The following DIP2C variants were observed in gnomAD, a reference collection of about 807,000 sequenced individuals.
DIP2C encodes disco-interacting protein 2 homolog C.
Under a neutral mutation model 192.4 loss-of-function variants are expected in DIP2C, and 33 were observed. That is an observed-to-expected ratio of 0.17 (90% CI 0.13 to 0.23). The LOEUF is 0.23. Ranked by LOEUF, DIP2C falls within the 10% of genes least tolerant of loss-of-function variation. DIP2C has a pLI of 1.00. For missense variants in DIP2C, 1,537 were observed against 2,110.1 expected (o/e 0.73, Z 5.32); for synonymous variants, 979 against 864.1 (o/e 1.13, Z -2.33).
intron 2 of DIP2C, among the ~76,000 whole-genome samples, chr10:474,444 G>A (rs529058041): frequency 3.3e-5 from 5 of 152,220 alleles, no homozygotes; most frequent in Admixed American, 2.0e-4. Context: ...TCCTGCCCAC[G>A]ATCAAACACT....
chr10:277,848 A>G (rs1954595827), intron 36 of DIP2C, among the ~76,000 whole-genome samples: 1 of 151,976 alleles, frequency 6.6e-6, no homozygotes, highest in East Asian at 2.0e-4. Flanking sequence ...TTTCTAGCAC[A>G]GCATCACTCC....
At chr10:490,872 T>G (rs1244042086) in intron 1 of DIP2C, among the ~76,000 whole-genome samples, 1 of 152,170 alleles carries the variant, frequency 6.6e-6, no homozygotes, top group Non-Finnish European at 1.5e-5. Flanking sequence ...ACTTTGGAAG[T>G]GAAAACCCCA....
intron 1 of DIP2C, among the ~76,000 whole-genome samples, chr10:486,791 A>G (rs1429146797): frequency 6.6e-6 from 1 of 152,216 alleles, no homozygotes; most frequent in Non-Finnish European, 1.5e-5. Context: ...GATGGGGTCC[A>G]GGGTTAGACC....
chr10:442,261 C>T lies in DIP2C; in HGVS notation c.269-1265G>A, dbSNP rs1279403664. Among the ~76,000 whole-genome samples the T allele has an allele frequency of 2.0e-5, 3 of 152,126 alleles. No homozygotes were observed. In the East Asian group the frequency reaches 5.8e-4, roughly 29 times the overall value. ...CAGACATGTCTTTCCTGCTTAAACC[C>T]CGCGAGCTGCCACCTGAGACAGGAC... On this transcript the variant is annotated intron_variant, in intron 3 of 36. Transcript: ENST00000280886.
At chr10:461,332 C>T (rs1029427602) in intron 3 of DIP2C, among the ~76,000 whole-genome samples, 2 of 151,972 alleles carry the variant, frequency 1.3e-5, no homozygotes, top group Non-Finnish European at 2.9e-5. Flanking sequence ...CACATAGGCT[C>T]AAAATAAAGG....
At chr10:593,284 C>G (rs541250271) in intron 1 of DIP2C, among the ~76,000 whole-genome samples, 63 of 152,252 alleles carry the variant, frequency 4.1e-4, no homozygotes, top group East Asian at 1.4e-3. Flanking sequence ...AATCTGACTT[C>G]AGAGCCTGCA....
chr10:447,610 C>G (rs1375624959), intron 3 of DIP2C, among the ~76,000 whole-genome samples: 2 of 146,292 alleles, frequency 1.4e-5, no homozygotes, highest in African/African-American at 5.4e-5. Context: ...CAGCAGGACC[C>G]ACTCATCCCT....
chr10:659,229 G>A (rs977756764), intron 1 of DIP2C, among the ~76,000 whole-genome samples: 7 of 151,954 alleles, frequency 4.6e-5, no homozygotes, highest in South Asian at 4.1e-4. Flanking sequence ...ACATGTGTGC[G>A]ATGTCATGCC....
chr10:411,511 C>G (rs983913562), intron 8 of DIP2C, among the ~76,000 whole-genome samples: 2 of 152,146 alleles, frequency 1.3e-5, no homozygotes, highest in African/African-American at 4.8e-5. Flanking sequence ...CCCAGCGCTT[C>G]GTAGGAAGCT....
At chr10:682,955 C>A (rs745477020) in intron 1 of DIP2C, among the ~76,000 whole-genome samples, 4 of 152,220 alleles carry the variant, frequency 2.6e-5, no homozygotes, top group African/African-American at 7.2e-5. Flanking sequence ...TCTCTCCACG[C>A]CTCTCTACCC....
At chr10:341,440 A>G in intron 28 of DIP2C, 111 bp from the exon 29 acceptor site, 1 of 1,458,270 alleles carries the variant, frequency 6.9e-7, no homozygotes. Flanking sequence ...CGGACCTGAC[A>G]CCCTCAGACA....
At chr10:511,550 T>G (rs888719440) in intron 1 of DIP2C, among the ~76,000 whole-genome samples, 24 of 152,174 alleles carry the variant, frequency 1.6e-4, no homozygotes, top group African/African-American at 5.1e-4. Flanking sequence ...ATAACACGTC[T>G]TCCAGGTTCA....
rs1488664679 is a variant in DIP2C at position 652,829 on chromosome 10, A to AT, written c.85+36664dup. 1.3e-5 allele frequency among the ~76,000 whole-genome samples: 2 copies of AT among 150,996 alleles called. No homozygotes were observed. Among genetic ancestry groups the AT allele is most frequent in the Non-Finnish European group, 3.0e-5 (2 of 67,794 alleles). On this transcript the variant is annotated intron_variant, in intron 1 of 36. Coordinates refer to ENST00000280886, the MANE Select transcript of DIP2C (RefSeq NM_014974.3). This position sits in a 1 kb window ranked among gnomAD's most constrained non-coding sequence, Gnocchi z 4.5. ...AGAAATGGCACCAGGGCAGATGATG[A>AT]TTTTTTGTACCATTTCTTGACTTTC...
intron 2 of DIP2C, among the ~76,000 whole-genome samples, chr10:474,696 C>A (rs1327081145): frequency 6.6e-6 from 1 of 152,220 alleles, no homozygotes; most frequent in African/African-American, 2.4e-5. Context: ...CCCCACACAT[C>A]CGAAAGTGCT....
chr10:408,017 C>T (rs917969190), intron 9 of DIP2C, among the ~76,000 whole-genome samples: 5 of 152,062 alleles, frequency 3.3e-5, no homozygotes, highest in African/African-American at 1.2e-4. Flanking sequence ...CATGAGGTGT[C>T]TTCTCTATAT....
intron 1 of DIP2C, among the ~76,000 whole-genome samples, chr10:520,614 C>CAGCT (rs1304159664): frequency 6.6e-6 from 1 of 152,194 alleles, no homozygotes; most frequent in African/African-American, 2.4e-5. Flanking sequence ...CCTGTCTGAG[C>CAGCT]AGCTCCCTGC....
At chr10:608,960 TTAG>T (rs1261533916) in intron 1 of DIP2C, among the ~76,000 whole-genome samples, 2 of 151,610 alleles carry the variant, frequency 1.3e-5, no homozygotes, top group Non-Finnish European at 2.9e-5. Flanking sequence ...ACAATGTCTA[TTAG>T]AAGAATTTGT....
chr10:564,394 T>C (rs1849360222), intron 1 of DIP2C, among the ~76,000 whole-genome samples: 1 of 148,156 alleles, frequency 6.7e-6, no homozygotes. Flanking sequence ...TCACTCCCCT[T>C]CTCACCCACA....
At chr10:395,128 A>G (rs1963876616) in intron 10 of DIP2C, among the ~76,000 whole-genome samples, 5 of 14,110 alleles carry the variant, frequency 3.5e-4, no homozygotes, top group Non-Finnish European at 3.8e-4. Flanking sequence ...GGGAGGGAGG[A>G]GTTGGGGGAG....
Sources: allele counts gnomAD v4.1 joint callset (sites outside exome capture counted in the v4.1 genomes callset), GRCh38; gene constraint gnomAD v4.1.1; non-coding constraint Gnocchi (gnomAD v3.1); transcripts MANE v1.5; gene names NCBI Gene and HGNC (gene_info 2026-07-23, HGNC 2026-07-21).